The following ATRNL1 variants were observed in gnomAD, a reference collection of about 807,000 sequenced individuals.
The protein encoded by ATRNL1 is attractin-like protein 1.
In ATRNL1, 95 loss-of-function variants were observed where a neutral mutation model predicts 182.7. That is an observed-to-expected ratio of 0.52 (90% CI 0.44 to 0.62). The LOEUF is 0.62. Ranked by LOEUF, ATRNL1 falls within the 20% of genes least tolerant of loss-of-function variation. The pLI, the probability that ATRNL1 is intolerant of heterozygous loss-of-function variation, is 0.00. For synonymous variants in ATRNL1, 576 were observed against 568.3 expected, an observed-to-expected ratio of 1.01 and a Z score of -0.19; for missense variants, 1,471 against 1,679.5, an observed-to-expected ratio of 0.88 and a Z score of 2.17.
chr10:115,508,522 A>G (rs1369874304), intron 24 of ATRNL1, among the ~76,000 whole-genome samples: 1 of 152,062 alleles, frequency 6.6e-6, no homozygotes, highest in African/African-American at 2.4e-5. Context: ...GCAAAGGAAA[A>G]ATTCTTGAAG....
At chr10:115,174,160 T>G (rs567463001) in intron 8 of ATRNL1, among the ~76,000 whole-genome samples, 1 of 152,046 alleles carries the variant, frequency 6.6e-6, no homozygotes, top group South Asian at 2.1e-4. Context: ...TGGTTTCACT[T>G]GATTTTTGTA....
chr10:115,791,393 A>T (rs1251923720), intron 27 of ATRNL1, among the ~76,000 whole-genome samples: 1 of 152,192 alleles, frequency 6.6e-6, no homozygotes, highest in Non-Finnish European at 1.5e-5. Flanking sequence ...TAGAACAAAC[A>T]CCTGGGTAAG....
intron 27 of ATRNL1, among the ~76,000 whole-genome samples, chr10:115,731,651 T>G (rs1476896951): frequency 6.7e-6 from 1 of 149,184 alleles, no homozygotes; most frequent in Non-Finnish European, 1.5e-5. Flanking sequence ...TTATATTTAA[T>G]ATATATAATG....
At chr10:115,176,236 T>C (rs1485111245) in intron 8 of ATRNL1, among the ~76,000 whole-genome samples, 1 of 152,124 alleles carries the variant, frequency 6.6e-6, no homozygotes, top group Non-Finnish European at 1.5e-5. Flanking sequence ...ATTGCAAAAA[T>C]TTTCTTCCAT....
chr10:115,464,583 G>A (rs782532301), intron 22 of ATRNL1, among the ~76,000 whole-genome samples: 8 of 151,774 alleles, frequency 5.3e-5, no homozygotes, highest in Non-Finnish European at 1.0e-4. Context: ...ATTCAGCATT[G>A]CCTAAACTTG....
At chr10:115,136,363 A>G (rs782456167) in intron 5 of ATRNL1, among the ~76,000 whole-genome samples, 10 of 152,206 alleles carry the variant, frequency 6.6e-5, no homozygotes, top group Non-Finnish European at 1.3e-4. Flanking sequence ...TCCTGCCCCA[A>G]TGCATACACA....
chr10:115,416,430 A>T (rs1845394090), intron 20 of ATRNL1, among the ~76,000 whole-genome samples: 1 of 152,202 alleles, frequency 6.6e-6, no homozygotes, highest in Non-Finnish European at 1.5e-5. Context: ...AATATAAACC[A>T]CTTTAGATAA....
intron 10 of ATRNL1, among the ~76,000 whole-genome samples, chr10:115,263,139 C>G (rs1554909230): frequency 6.6e-6 from 1 of 151,780 alleles, no homozygotes; most frequent in African/African-American, 2.4e-5. Context: ...ACATGGAAAA[C>G]TCTAACATGG....
intron 1 of ATRNL1, among the ~76,000 whole-genome samples, chr10:115,099,122 T>G (rs1202620670): frequency 6.6e-6 from 1 of 152,376 alleles, no homozygotes; most frequent in African/African-American, 2.4e-5. Flanking sequence ...GGGCAACTAT[T>G]GATCTGCTTT....
chr10:115,797,815 C>CT (rs1949691236), intron 27 of ATRNL1, among the ~76,000 whole-genome samples: 1 of 152,184 alleles, frequency 6.6e-6, no homozygotes, highest in Non-Finnish European at 1.5e-5. Flanking sequence ...AGCCATAGGG[C>CT]TATCTGGGCT....
At chr10:115,621,018 T>C (rs1555022593) in intron 26 of ATRNL1, among the ~76,000 whole-genome samples, 3 of 152,020 alleles carry the variant, frequency 2.0e-5, no homozygotes, top group Non-Finnish European at 4.4e-5. Flanking sequence ...CCTTGTATCA[T>C]TGGAATGCCA....
intron 26 of ATRNL1, among the ~76,000 whole-genome samples, chr10:115,644,703 A>G (rs1029275789): frequency 2.6e-5 from 4 of 152,182 alleles, no homozygotes; most frequent in Non-Finnish European, 5.9e-5. Flanking sequence ...TTCAAAGTAA[A>G]CACTAAATAA....
intron 1 of ATRNL1, among the ~76,000 whole-genome samples, chr10:115,101,718 A>G (rs999381904): frequency 1.3e-5 from 2 of 152,174 alleles, no homozygotes; most frequent in Non-Finnish European, 2.9e-5. Flanking sequence ...TATAATGAGC[A>G]CCATGGGACT....
chr10:115,618,518 TTTTTCC>T (rs1265522202), intron 26 of ATRNL1, among the ~76,000 whole-genome samples: 1 of 152,072 alleles, frequency 6.6e-6, no homozygotes, highest in Non-Finnish European at 1.5e-5. Context: ...TACAATTTTT[TTTTTCC>T]TTTTCCTTTT....
rs890032103 is a variant in ATRNL1 at position 115,164,133 on chromosome 10, G to A, written c.1005-1425G>A. On this transcript the variant is annotated intron_variant, in intron 6 of 28. Transcript: ENST00000355044. The stretch of plus-strand genomic sequence containing the variant: ...ATATTTTAGCAAATGGAGGAAATTT[G>A]AGCATAGAGTATAAGCATTTGGGAT... 3.3e-5 allele frequency among the ~76,000 whole-genome samples: 5 copies of A among 152,118 alleles called. No individual in the cohort carries two copies. In the East Asian group the frequency reaches 9.6e-4, roughly 29 times the overall value.
chr10:115,180,907 T>G (rs1276211975), intron 8 of ATRNL1, among the ~76,000 whole-genome samples: 1 of 151,948 alleles, frequency 6.6e-6, no homozygotes, highest in African/African-American at 2.4e-5. Flanking sequence ...CTTTGTATCC[T>G]ACTAAATTCT....
At chr10:115,115,608 TA>T (rs1209337872) in intron 1 of ATRNL1, among the ~76,000 whole-genome samples, 1 of 152,094 alleles carries the variant, frequency 6.6e-6, no homozygotes, top group Admixed American at 6.6e-5. Flanking sequence ...AATCTGTTTT[TA>T]AAAAAGATTT....
chr10:115,849,190 T>G (rs1196892572), intron 28 of ATRNL1, among the ~76,000 whole-genome samples: 1 of 152,340 alleles, frequency 6.6e-6, no homozygotes, highest in South Asian at 2.1e-4. Flanking sequence ...TATGGATGTT[T>G]ATTCAAAGAA....
intron 8 of ATRNL1, among the ~76,000 whole-genome samples, chr10:115,175,630 A>T (rs1336704720): frequency 6.6e-6 from 1 of 152,082 alleles, no homozygotes; most frequent in Non-Finnish European, 1.5e-5. Context: ...AGAATAATAG[A>T]TAAACCATGG....
Sources: gnomAD v4.1 joint callset for allele counts (sites outside exome capture counted in the v4.1 genomes callset) on GRCh38, gnomAD v4.1.1 for gene constraint, MANE v1.5 for transcripts, NCBI Gene and HGNC (gene_info 2026-07-23, HGNC 2026-07-21) for gene names.